Variants in BMP1 observed in about 807,000 individuals in gnomAD.
BMP1 encodes the protein bone morphogenetic protein 1.
BMP1 carries 63 observed loss-of-function variants against 116.8 expected under a neutral mutation model. The ratio of observed to expected loss-of-function variants is 0.54; its 90% CI spans 0.44 to 0.67. The LOEUF (loss-of-function observed/expected upper bound fraction) is 0.67, where lower values mean the gene tolerates loss of function less well. BMP1 is among the 30% of genes least tolerant of loss of function. BMP1 has a pLI of 0.00. For missense variants in BMP1, 1,183 were observed against 1,358.9 expected (o/e 0.87, Z 2.04); for synonymous variants, 536 against 533.4 (o/e 1.00, Z -0.07).
chr8:22,186,796 A>G (rs1169140478), intron 8 of BMP1, among the ~76,000 whole-genome samples: 1 of 152,096 alleles, frequency 6.6e-6, no homozygotes, highest in Non-Finnish European at 1.5e-5. Context: ...GCCTGGCAAT[A>G]GTACCTACCA....
intron 1 of BMP1, chr8:22,171,545 T>G (rs1313165766): frequency 6.6e-6 from 1 of 152,272 alleles, no homozygotes; most frequent in Admixed American, 6.5e-5. Flanking sequence ...GTGTGTTTTT[T>G]AAAAACCGTG....
At chr8:22,176,063 AT>A in intron 2 of BMP1, 79 bp from the exon 3 acceptor site, 1 of 1,462,284 alleles carries the variant, frequency 6.8e-7, no homozygotes. Flanking sequence ...CACAGAATCC[AT>A]GAAAAATGAG....
chr8:22,186,255 G>A (rs565772316), intron 8 of BMP1, among the ~76,000 whole-genome samples: 31 of 152,352 alleles, frequency 2.0e-4, no homozygotes, highest in South Asian at 2.1e-4. Context: ...CTTGAAGGGT[G>A]TGGGGCTCTG....
chr8:22,183,280 C>T (rs1458414074), intron 8 of BMP1, among the ~76,000 whole-genome samples: 2 of 152,098 alleles, frequency 1.3e-5, no homozygotes, highest in African/African-American at 4.8e-5. Flanking sequence ...AGCTGGGTGT[C>T]TGGTGGGTGT....
intron 1 of BMP1, among the ~76,000 whole-genome samples, chr8:22,166,241 C>T (rs1828105026): frequency 6.6e-6 from 1 of 152,038 alleles, no homozygotes; most frequent in African/African-American, 2.4e-5. Flanking sequence ...CCCAGAGACC[C>T]CCGCCAAGGC....
At position 22,194,711 on chromosome 8, in the gene BMP1, C is replaced by T; in HGVS notation, c.1444-13C>T. On this transcript the variant is annotated splice_polypyrimidine_tract_variant and intron_variant, in intron 11 of 19. Transcript: ENST00000306385. This position sits in a 1 kb window ranked among gnomAD's most constrained non-coding sequence, Gnocchi z 4.5. Reference sequence around the variant, plus strand: ...GCCAGAGCCCCTTCCACTGATGAAGCCTCGACCCCTAGATTGAGCGCCACG... The same window carrying T: ...GCCAGAGCCCCTTCCACTGATGAAGTCTCGACCCCTAGATTGAGCGCCACG... 2 of 1,595,992 alleles carry T rather than the reference C, an allele frequency of 1.3e-6. No homozygotes were observed. Among genetic ancestry groups the T allele is most frequent in the East Asian group, 2.2e-5 (1 of 44,666 alleles).
intron 13 of BMP1, 124 bp downstream of exon 13, chr8:22,195,711 A>G (rs1489815446): frequency 1.5e-6 from 2 of 1,364,334 alleles, no homozygotes; most frequent in Non-Finnish European, 2.0e-6. Flanking sequence ...CAGTGGCTCA[A>G]TCTTAGCTCA....
At chr8:22,209,716 C>T (rs755431350) in intron 19 of BMP1, 21 bp downstream of exon 19, 4 of 1,609,260 alleles carry the variant, frequency 2.5e-6, no homozygotes, top group African/African-American at 2.7e-5. Context: ...CACCCCTCGC[C>T]CTCCTGGCCC....
chr8:22,201,399 C>A lies in BMP1; in HGVS notation c.2108-404C>A, dbSNP rs751123617. On this transcript the variant is annotated intron_variant, in intron 15 of 19. Transcript: ENST00000306385. ...ACCGGGGACCCTTCCCCGTGCCCTA[C>A]CCCCTCCCATTTTGATGGTGTCTGT... 8 of 1,446,690 alleles carry A rather than the reference C, an allele frequency of 5.5e-6. No individual in the cohort carries two copies. The Admixed American group carries it at 1.4e-4, about 25-fold the overall frequency. The allele number at this position is 1,446,690 out of a possible 1,614,324, so 89.6% of individuals were successfully genotyped here.
At chr8:22,171,380 A>C (rs1297691970) in intron 1 of BMP1, 1 of 152,202 alleles carries the variant, frequency 6.6e-6, no homozygotes, top group Non-Finnish European at 1.5e-5. Flanking sequence ...TGTTGTGGGC[A>C]GGCCAGGATT....
At position 22,209,205 on chromosome 8, in the gene BMP1, T is replaced by G. The variant is rs997886214; in HGVS notation, c.2576-240T>G. ...TGTGGTGCCTCGTGCCACCGCTCCATGCTGTCTTCCTCTCGGTGAGCCTCA... is the reference window on the plus strand; with the variant it reads ...TGTGGTGCCTCGTGCCACCGCTCCAGGCTGTCTTCCTCTCGGTGAGCCTCA... On this transcript the variant is annotated intron_variant, in intron 18 of 19. Coordinates refer to ENST00000306385, the MANE Select transcript of BMP1 (RefSeq NM_006129.5). Among the ~76,000 whole-genome samples the G allele has an allele frequency of 2.6e-5, 4 of 152,178 alleles. 1 individual carries two copies. The highest frequency in any genetic ancestry group is 1.5e-5 in the Non-Finnish European group (1 of 68,022).
chr8:22,182,759 C>G (rs182299608), intron 8 of BMP1, among the ~76,000 whole-genome samples: 1 of 152,324 alleles, frequency 6.6e-6, no homozygotes, highest in African/African-American at 2.4e-5. Flanking sequence ...AGAATCCGCT[C>G]CTTACTCTCC....
At chr8:22,170,259 A>T (rs1828239157) in intron 1 of BMP1, 1 of 152,484 alleles carries the variant, frequency 6.6e-6, no homozygotes, top group Non-Finnish European at 1.5e-5. Context: ...GGTTTCACTC[A>T]AGGAGGAGTG....
intron 19 of BMP1, 39 bp from the exon 20 acceptor site, chr8:22,211,555 C>G (rs1017284537): frequency 1.2e-6 from 2 of 1,613,032 alleles, no homozygotes; most frequent in South Asian, 1.1e-5. Context: ...AGCCCCAGCC[C>G]CTCTTCCTCC....
Position 22,194,355 on chromosome 8 carries a change from A to C in BMP1, c.1298-90A>C, listed in dbSNP as rs921717173. 7 of 1,539,256 alleles carry C rather than the reference A, an allele frequency of 4.5e-6. No individual in the cohort carries two copies. Among genetic ancestry groups the C allele is most frequent in the African/African-American group, 1.4e-5 (1 of 73,252 alleles). On this transcript the variant is annotated intron_variant, in intron 10 of 19. Coordinates refer to ENST00000306385, the MANE Select transcript of BMP1 (RefSeq NM_006129.5). This position sits in a 1 kb window ranked among gnomAD's most constrained non-coding sequence, Gnocchi z 4.5. Reference sequence around the variant, plus strand: ...GAACTGAAAAGCTGGGGGACATGGGAGGGACTGGAGGAGTGGGGAAAAGAG... The same window carrying C: ...GAACTGAAAAGCTGGGGGACATGGGCGGGACTGGAGGAGTGGGGAAAAGAG...
At chr8:22,200,258 G>A (rs1319445100) in intron 15 of BMP1, among the ~76,000 whole-genome samples, 1 of 152,210 alleles carries the variant, frequency 6.6e-6, no homozygotes, top group African/African-American at 2.4e-5. Flanking sequence ...TGCATGTGTG[G>A]GTCTGTGACA....
Position 22,179,765 on chromosome 8 carries a change from T to C in BMP1, c.897T>C (p.Ile299=), listed in dbSNP as rs1296611344. The C allele has an allele frequency of 1.2e-6, 2 of 1,614,100 alleles. No homozygotes were observed. Among genetic ancestry groups the C allele is most frequent in the South Asian group, 1.1e-5 (1 of 91,084 alleles). The change falls in exon 7 of 20, where the codon ATT becomes ATC. Residue 299 remains isoleucine, a synonymous_variant. Coordinates refer to ENST00000306385, the MANE Select transcript of BMP1 (RefSeq NM_006129.5). The surrounding 1 kb of genome is among the most constrained non-coding windows in gnomAD (Gnocchi z 4.6). The part of the protein sequence containing the change: ...KYEVNGVKPP[I]GQRTRLSKGD... ...AGGTGAACGGGGTGAAACCTCCCAT[T>C]GGCCAAAGGACACGGCTCAGCAAGG...
In BMP1 at chr8:22,210,468, T is replaced by TCTCTCTCTCTCACACACA. The variant is rs10664439; in HGVS notation, c.2826+774_2826+775insTCTCTCTCTCACACACAC. 4.1e-3 allele frequency among the ~76,000 whole-genome samples: 557 copies of TCTCTCTCTCTCACACACA among 135,510 alleles called. 3 individuals carry two copies. Among genetic ancestry groups the TCTCTCTCTCTCACACACA allele is most frequent in the Middle Eastern group, 0.019 (5 of 266 alleles). 88.9% of individuals were successfully genotyped at this position (135,510 alleles called of 152,430 possible). ...TTCCCTCTCTCTCTCTCTCTCTCTC[T>TCTCTCTCTCTCACACACA]CACACACATACACACACACTGGCAC... On this transcript the variant is annotated intron_variant, in intron 19 of 19. Transcript: ENST00000306385.
intron 2 of BMP1, among the ~76,000 whole-genome samples, 155 bp downstream of exon 2, chr8:22,173,870 T>C (rs769122058): frequency 3.3e-5 from 5 of 152,198 alleles, no homozygotes; most frequent in Non-Finnish European, 5.9e-5. Context: ...GATATCTTCA[T>C]CCCTTCCCCA....
Sources: allele counts gnomAD v4.1 joint callset (sites outside exome capture counted in the v4.1 genomes callset), GRCh38; gene constraint gnomAD v4.1.1; non-coding constraint Gnocchi (gnomAD v3.1); transcripts MANE v1.5; gene names NCBI Gene and HGNC (gene_info 2026-07-23, HGNC 2026-07-21).